The following ANO2 variants were observed in gnomAD, a reference collection of about 807,000 sequenced individuals.
ANO2 encodes anoctamin 2.
Under a neutral mutation model 124.2 loss-of-function variants are expected in ANO2, and 101 were observed. That is an observed-to-expected ratio of 0.81 (90% CI 0.69 to 0.96). The LOEUF is 0.96. ANO2 is among the 40% of genes least tolerant of loss of function. The pLI is 0.00. For missense variants in ANO2, 1,293 were observed against 1,274.5 expected, an observed-to-expected ratio of 1.01 and a Z score of -0.22; for synonymous variants, 486 against 482.5, an observed-to-expected ratio of 1.01 and a Z score of -0.09.
chr12:5,891,201 C>T (rs1431736813), intron 3 of ANO2, among the ~76,000 whole-genome samples: 1 of 152,156 alleles, frequency 6.6e-6, no homozygotes, highest in Non-Finnish European at 1.5e-5. Flanking sequence ...CGAGGAGAAG[C>T]CCTCTATTTC....
chr12:5,752,582 T>C (rs1044176327), intron 10 of ANO2, among the ~76,000 whole-genome samples: 1 of 152,202 alleles, frequency 6.6e-6, no homozygotes, highest in Admixed American at 6.5e-5. Flanking sequence ...GTTTCTTTGT[T>C]TTGCCACTGA....
chr12:5,788,555 CTTTTGT>C lies in ANO2; in HGVS notation c.1055+10946_1055+10951del, dbSNP rs1011693634. On this transcript the variant is annotated intron_variant, in intron 10 of 24. Transcript: ENST00000682330. Reference sequence around the variant, plus strand: ...AAGTTGAACTGAATTATATGTTTGTCTTTTGTTTTTGTTTTTGTTTTTGGAGACGGA... The same window carrying C: ...AAGTTGAACTGAATTATATGTTTGTCTTTTGTTTTTGTTTTTGGAGACGGA... Among the ~76,000 whole-genome samples the C allele has an allele frequency of 9.7e-4, 148 of 151,836 alleles. 1 individual carries two copies. Among genetic ancestry groups the C allele is most frequent in the South Asian group, 6.3e-4 (3 of 4,798 alleles).
At chr12:5,648,601 G>A (rs867601872) in intron 14 of ANO2, among the ~76,000 whole-genome samples, 14 of 152,148 alleles carry the variant, frequency 9.2e-5, no homozygotes, top group African/African-American at 3.1e-4. Flanking sequence ...AGCTATGAAT[G>A]GTAAACAGCT....
chr12:5,852,607 G>A (rs1390687126), intron 4 of ANO2, among the ~76,000 whole-genome samples: 1 of 152,104 alleles, frequency 6.6e-6, no homozygotes, highest in African/African-American at 2.4e-5. Context: ...TAGCAGATCT[G>A]TTGGTAGTGA....
intron 14 of ANO2, among the ~76,000 whole-genome samples, chr12:5,656,347 T>C (rs1371275538): frequency 1.3e-5 from 2 of 152,242 alleles, no homozygotes; most frequent in Admixed American, 1.3e-4. Flanking sequence ...ATGGATCATC[T>C]TGTTCCTTAA....
intron 20 of ANO2, among the ~76,000 whole-genome samples, chr12:5,584,754 A>G (rs1471417722): frequency 3.3e-5 from 5 of 152,220 alleles, no homozygotes; most frequent in African/African-American, 1.2e-4. Flanking sequence ...AAATAGGAAA[A>G]GACAGTGAGA....
rs1014505708 is a variant in ANO2 at position 5,787,334 on chromosome 12, C to G, written c.1055+12173G>C. 2.6e-5 allele frequency among the ~76,000 whole-genome samples: 4 copies of G among 152,154 alleles called. No individual in the cohort carries two copies. Among genetic ancestry groups the G allele is most frequent in the African/African-American group, 9.7e-5 (4 of 41,428 alleles). On this transcript the variant is annotated intron_variant, in intron 10 of 24. Coordinates refer to ENST00000682330, the MANE Select transcript of ANO2 (RefSeq NM_001364791.2). This position sits in a 1 kb window ranked among gnomAD's most constrained non-coding sequence, Gnocchi z 4.2. ...ATGTACCCTTTCCTTAGGGTACGGT[C>G]CAAAATCCCTAACCAGCCCAAAAGC...
intron 20 of ANO2, among the ~76,000 whole-genome samples, chr12:5,593,643 G>T (rs1490739720): frequency 6.6e-6 from 1 of 152,194 alleles, no homozygotes; most frequent in African/African-American, 2.4e-5. Context: ...ACTGAACTCT[G>T]GACAATAACA....
chr12:5,920,988 G>T, intron 3 of ANO2, 52 bp downstream of exon 3: 1 of 1,553,052 alleles, frequency 6.4e-7, no homozygotes, highest in South Asian at 1.2e-5. Context: ...CTAGGAGCCC[G>T]GTTCTGTGGT....
intron 3 of ANO2, among the ~76,000 whole-genome samples, chr12:5,895,895 C>T (rs1484557194): frequency 6.6e-6 from 1 of 152,056 alleles, no homozygotes; most frequent in Non-Finnish European, 1.5e-5. Context: ...AAGTGCCCAT[C>T]AACCAATGAG....
intron 3 of ANO2, among the ~76,000 whole-genome samples, chr12:5,879,378 C>T (rs1938330532): frequency 6.6e-6 from 1 of 151,986 alleles, no homozygotes; most frequent in Non-Finnish European, 1.5e-5. Flanking sequence ...GTTATTATAG[C>T]TCAGATACAG....
At chr12:5,674,556 C>CTTCT (rs1405167228) in intron 14 of ANO2, among the ~76,000 whole-genome samples, 1 of 152,208 alleles carries the variant, frequency 6.6e-6, no homozygotes, top group African/African-American at 2.4e-5. Context: ...AGGTCACAGC[C>CTTCT]TTCTATCGGC....
chr12:5,698,179 A>G (rs1949265842), intron 14 of ANO2, among the ~76,000 whole-genome samples: 1 of 152,218 alleles, frequency 6.6e-6, no homozygotes, highest in Admixed American at 6.5e-5. Flanking sequence ...CGAGTAGCCT[A>G]ACTGGGAGGC....
rs71579280 is a variant in ANO2, at chr12:5,830,407, T to C, written c.840+28A>G. 4,934 of 1,608,958 alleles carry C rather than the reference T, an allele frequency of 3.1e-3. 12 individuals are homozygous for C. Among genetic ancestry groups the C allele is most frequent in the Middle Eastern group, 5.4e-3 (33 of 6,060 alleles). ...AACTCAGCCCTTTCCCCATCCTCTTTCCTAACACAGTACATCCATTTACTT... is the reference window on the plus strand; with the variant it reads ...AACTCAGCCCTTTCCCCATCCTCTTCCCTAACACAGTACATCCATTTACTT... On this transcript the variant is annotated intron_variant, in intron 6 of 24. Transcript: ENST00000682330.
chr12:5,820,633 G>A (rs1953764307), intron 7 of ANO2, among the ~76,000 whole-genome samples: 1 of 152,202 alleles, frequency 6.6e-6, no homozygotes, highest in Admixed American at 6.5e-5. Flanking sequence ...TAGAAAAATA[G>A]TAAATCAGAA....
chr12:5,904,143 C>A lies in ANO2; in HGVS notation c.534+16897G>T, dbSNP rs1436629256. The stretch of plus-strand genomic sequence containing the variant: ...CTCTGTGCTTGAAGAGTGTTCCAGC[C>A]CAAATGTTGCCTGGCTGCTGCAGCA... On this transcript the variant is annotated intron_variant, in intron 3 of 24. Transcript: ENST00000682330. The surrounding 1 kb of genome is among the most constrained non-coding windows in gnomAD (Gnocchi z 4.1). Among the ~76,000 whole-genome samples, 1 of 152,162 alleles carries A rather than the reference C, an allele frequency of 6.6e-6. No individual in the cohort carries two copies. Among genetic ancestry groups the A allele is most frequent in the East Asian group, 1.9e-4 (1 of 5,194 alleles).
chr12:5,924,053 T>C (rs192975746), intron 1 of ANO2, among the ~76,000 whole-genome samples: 185 of 152,318 alleles, frequency 1.2e-3, no homozygotes, highest in African/African-American at 4.3e-3. Context: ...GTGATTAGAA[T>C]CGTTAGTGTT....
intron 14 of ANO2, among the ~76,000 whole-genome samples, chr12:5,680,923 C>T (rs894297295): frequency 6.6e-6 from 1 of 152,138 alleles, no homozygotes; most frequent in Non-Finnish European, 1.5e-5. Flanking sequence ...TTTATAAGAA[C>T]CAGCCTCTGC....
At chr12:5,670,995 C>T (rs1464545960) in intron 14 of ANO2, among the ~76,000 whole-genome samples, 7 of 152,128 alleles carry the variant, frequency 4.6e-5, no homozygotes, top group Non-Finnish European at 1.0e-4. Flanking sequence ...AGGTTCCCTG[C>T]CTCCATGCAA....
Sources: gnomAD v4.1 joint callset for allele counts (sites outside exome capture counted in the v4.1 genomes callset) on GRCh38, gnomAD v4.1.1 for gene constraint, Gnocchi (gnomAD v3.1) non-coding constraint, MANE v1.5 for transcripts, NCBI Gene and HGNC (gene_info 2026-07-23, HGNC 2026-07-21) for gene names.